CALD1: variants seen among roughly 807,000 people sequenced by gnomAD.
The protein encoded by CALD1 is caldesmon.
In CALD1, 33 loss-of-function variants were observed where a neutral mutation model predicts 99.9. That is an observed-to-expected ratio of 0.33 (90% CI 0.25 to 0.44). The LOEUF is 0.44. Ranked by LOEUF, CALD1 falls within the 20% of genes least tolerant of loss-of-function variation. CALD1 has a pLI of 1.00. For synonymous variants in CALD1, 310 were observed against 325.0 expected, an observed-to-expected ratio of 0.95 and a Z score of 0.50; for missense variants, 861 against 962.1, an observed-to-expected ratio of 0.89 and a Z score of 1.39.
intron 13 of CALD1, among the ~76,000 whole-genome samples, chr7:134,963,093 G>T (rs375930609): frequency 6.6e-6 from 1 of 152,140 alleles, no homozygotes; most frequent in Non-Finnish European, 1.5e-5. Flanking sequence ...GTAGAAGAAC[G>T]TGCATGAGAA....
intron 1 of CALD1, among the ~76,000 whole-genome samples, chr7:134,747,925 G>A (rs1796650080): frequency 6.6e-6 from 1 of 152,168 alleles, no homozygotes; most frequent in Non-Finnish European, 1.5e-5. Context: ...TTCCCATCTG[G>A]GAGAACTGCA....
chr7:134,925,903 G>T (rs562538325), intron 3 of CALD1, among the ~76,000 whole-genome samples: 2 of 152,270 alleles, frequency 1.3e-5, no homozygotes, highest in East Asian at 3.9e-4. Context: ...AGCAAATTGA[G>T]ACTTCCTGTT....
At chr7:134,712,013 G>A in the CALD1 span, among the ~76,000 whole-genome samples, 2 of 126,228 alleles carry the variant, frequency 1.6e-5, no homozygotes. Flanking sequence ...AAAGGAGGGA[G>A]GGAAGGAGGG....
In CALD1 at chr7:134,921,385, T is replaced by C. The variant is rs565028770; in HGVS notation, c.72-7369T>C. On this transcript the variant is annotated intron_variant, in intron 3 of 14. Transcript: ENST00000361675. ...TAAAAGGATCCTCATTCTTAAGATG[T>C]TAGAAACCATTGCAATACAAGATCT... is the stretch of plus-strand genomic sequence containing the variant. Among the ~76,000 whole-genome samples the C allele has an allele frequency of 9.2e-5, 14 of 152,364 alleles. No homozygotes were observed. The South Asian group carries it at 2.3e-3, about 25-fold the overall frequency.
chr7:134,802,274 C>T (rs1429509790), intron 1 of CALD1, among the ~76,000 whole-genome samples: 2 of 152,096 alleles, frequency 1.3e-5, no homozygotes, highest in African/African-American at 2.4e-5. Context: ...TGATTTCTAT[C>T]ACCATAGATC....
chr7:134,749,990 A>G (rs7800679), intron 1 of CALD1, among the ~76,000 whole-genome samples: 110,786 of 151,950 alleles, frequency 0.73, 41,871 homozygotes, highest in East Asian at 0.99. Flanking sequence ...GGCTCCCAGA[A>G]AGCTGCTGGG....
chr7:134,821,114 C>T (rs1185310045), intron 1 of CALD1, among the ~76,000 whole-genome samples: 1 of 152,072 alleles, frequency 6.6e-6, no homozygotes, highest in East Asian at 1.9e-4. Context: ...GTAAATGTTA[C>T]ATACCTTGGC....
At position 134,879,367 on chromosome 7, in the gene CALD1, C is replaced by T. The variant is rs144991779; in HGVS notation, c.71+11563C>T. Among the ~76,000 whole-genome samples, 52 of 152,332 alleles carry T rather than the reference C, an allele frequency of 3.4e-4. 1 individual carries two copies. In the East Asian group the frequency reaches 8.5e-3, roughly 25 times the overall value. ...CCACTAGTTTGCTATCTAATGAGCA[C>T]TATTCATCAGCAGTGGAAAATCAGT... On this transcript the variant is annotated intron_variant, in intron 3 of 14. Transcript: ENST00000361675.
In CALD1 at chr7:134,969,538, A is replaced by G. The variant is rs973678762; in HGVS notation, c.*1193A>G. 6.6e-6 allele frequency: 1 copy of G among 152,260 alleles called. No homozygotes were observed. Among genetic ancestry groups the G allele is most frequent in the African/African-American group, 2.4e-5 (1 of 41,468 alleles). 9.4% of individuals were successfully genotyped at this position (152,260 alleles called of 1,614,324 possible). A position where few individuals can be genotyped will look rare whatever the true frequency, so the allele number is the denominator to read the frequency against. On this transcript the variant is annotated 3_prime_UTR_variant, in exon 15 of 15. Transcript: ENST00000361675. ...AAAGACTACCTTTGGCTAAATGTCT[A>G]GAAGCAGAGAAGTAAAGTGAGCAAA...
the CALD1 span, among the ~76,000 whole-genome samples, chr7:134,731,450 C>T: frequency 1.7e-4 from 26 of 152,072 alleles, no homozygotes; most frequent in Non-Finnish European, 3.1e-4. Context: ...GCTCTGAATG[C>T]TCCATAATAA....
Position 134,950,422 on chromosome 7 carries a change from G to A in CALD1, c.1843G>A (p.Ala615Thr), listed in dbSNP as rs1298293998. The A allele has an allele frequency of 6.2e-7, 1 of 1,614,104 alleles. No individual in the cohort carries two copies. Among genetic ancestry groups the A allele is most frequent in the Admixed American group, 1.7e-5 (1 of 60,034 alleles). ...KEEIERRRAE[A>T]AEKRQKMPED... The stretch of plus-strand genomic sequence containing the variant: ...AGAGATTGAAAGGCGAAGAGCAGAA[G>A]CTGCTGAGAAACGCCAGAAGATGCC... The change falls in exon 9 of 15, where the codon GCT becomes ACT. Residue 615 changes from alanine (A) to threonine (T), a missense_variant. Ala to Thr is a moderately conservative substitution (Grantham distance 58). This residue lies in a region of CALD1 where 190 missense variants were observed against 249.0 expected (regional missense o/e 0.76). Coordinates refer to ENST00000361675, the MANE Select transcript of CALD1 (RefSeq NM_033138.4).
intron 3 of CALD1, among the ~76,000 whole-genome samples, chr7:134,907,646 G>C (rs1042741814): frequency 3.9e-5 from 6 of 152,078 alleles, no homozygotes; most frequent in Non-Finnish European, 8.8e-5. Context: ...TATTAGGATT[G>C]TGTTTTTTTG....
intron 1 of CALD1, among the ~76,000 whole-genome samples, chr7:134,758,647 G>C (rs1796751362): frequency 6.6e-6 from 1 of 152,036 alleles, no homozygotes; most frequent in Non-Finnish European, 1.5e-5. Context: ...CTGGCTGGCT[G>C]TTTCTTTACT....
intron 1 of CALD1, among the ~76,000 whole-genome samples, chr7:134,766,905 T>C (rs1542310): frequency 0.48 from 73,289 of 151,800 alleles, 18,801 homozygotes; most frequent in East Asian, 0.78. Flanking sequence ...GGACAAAGAA[T>C]GGGGAGGGGC....
chr7:134,750,323 T>G (rs1184494319), intron 1 of CALD1, among the ~76,000 whole-genome samples: 1 of 151,916 alleles, frequency 6.6e-6, no homozygotes, highest in Non-Finnish European at 1.5e-5. Context: ...AGCAGAAAGG[T>G]GCTGTGCAGA....
the CALD1 span, among the ~76,000 whole-genome samples, chr7:134,739,129 A>T: frequency 6.6e-6 from 1 of 152,312 alleles, no homozygotes; most frequent in Non-Finnish European, 1.5e-5. Context: ...GCAGAGCTTT[A>T]CTTTGAATGG....
At chr7:134,854,910 C>T (rs1384208123) in intron 2 of CALD1, among the ~76,000 whole-genome samples, 2 of 152,128 alleles carry the variant, frequency 1.3e-5, no homozygotes, top group Non-Finnish European at 2.9e-5. Flanking sequence ...GGAAGGATTT[C>T]CCCCTTGCTG....
intron 1 of CALD1, among the ~76,000 whole-genome samples, chr7:134,774,548 C>T (rs759335787): frequency 6.6e-6 from 1 of 152,246 alleles, no homozygotes; most frequent in Non-Finnish European, 1.5e-5. Flanking sequence ...GAGAGATGCT[C>T]ACCTGGTTGT....
At chr7:134,902,362 G>T (rs1388270622) in intron 3 of CALD1, among the ~76,000 whole-genome samples, 1 of 152,064 alleles carries the variant, frequency 6.6e-6, no homozygotes, top group Non-Finnish European at 1.5e-5. Context: ...TTTCCTACTT[G>T]CTTTCCCTTT....
Sources: gnomAD v4.1 joint callset for allele counts (sites outside exome capture counted in the v4.1 genomes callset) on GRCh38, gnomAD v4.1.1 for gene constraint, gnomAD v4.1.1 regional missense constraint, MANE v1.5 for transcripts, NCBI Gene and HGNC (gene_info 2026-07-23, HGNC 2026-07-21) for gene names.